Variants in DFFB observed in about 807,000 individuals in gnomAD.
The protein encoded by DFFB is DNA fragmentation factor 40 kDa subunit.
Under a neutral mutation model 32.7 loss-of-function variants are expected in DFFB, and 29 were observed. The ratio of observed to expected loss-of-function variants is 0.89; its 90% CI spans 0.66 to 1.21. DFFB has a LOEUF of 1.21. DFFB is among the 50% of genes most tolerant of loss of function. The probability of loss-of-function intolerance (pLI) is 0.00; values close to 1 mark genes in which losing one functional copy is unlikely to be tolerated. For missense variants in DFFB, 398 were observed against 440.6 expected (o/e 0.90, Z 0.87); for synonymous variants, 170 against 177.1 (o/e 0.96, Z 0.32).
At chr1:3,877,947 CTT>C (rs1218344231) in intron 6 of DFFB, among the ~76,000 whole-genome samples, 2 of 152,112 alleles carry the variant, frequency 1.3e-5, no homozygotes, top group African/African-American at 4.8e-5. Context: ...GGGCTTATCT[CTT>C]GTTAGCCAAG....
chr1:3,881,617 C>T (rs922567780), intron 6 of DFFB, among the ~76,000 whole-genome samples: 89 of 152,334 alleles, frequency 5.8e-4, no homozygotes, highest in African/African-American at 2.0e-3. Flanking sequence ...TGGCTCATGC[C>T]TATAATCTCA....
At chr1:3,879,114 G>T (rs1033318429) in intron 6 of DFFB, among the ~76,000 whole-genome samples, 13 of 152,208 alleles carry the variant, frequency 8.5e-5, no homozygotes, top group African/African-American at 3.1e-4. Context: ...GGTAGTTTTA[G>T]ATTTTTCTCC....
At position 3,865,622 on chromosome 1, in the gene DFFB, G is replaced by A. The variant is rs765727236; in HGVS notation, c.242-190G>A. 2.3e-5 allele frequency: 19 copies of A among 814,710 alleles called. No individual in the cohort carries two copies. In the East Asian group the frequency reaches 2.8e-4, roughly 12 times the overall value. The allele number at this position is 814,710 out of a possible 1,614,324, so 50.5% of individuals were successfully genotyped here. A position where few individuals can be genotyped will look rare whatever the true frequency, so the allele number is the denominator to read the frequency against. On this transcript the variant is annotated intron_variant, in intron 2 of 6. Transcript: ENST00000378209. This position sits in a 1 kb window ranked among gnomAD's most constrained non-coding sequence, Gnocchi z 4.7. ...CCCCTCCCTCCTCTGTCCTCATGCCGCCCTTGTGCGTGGTCCCCAGCTGTT... is the reference window on the plus strand; with the variant it reads ...CCCCTCCCTCCTCTGTCCTCATGCCACCCTTGTGCGTGGTCCCCAGCTGTT...
chr1:3,857,709 C>T lies in DFFB; in HGVS notation c.106C>T (p.Arg36Cys). 1.3e-6 allele frequency: 2 copies of T among 1,538,716 alleles called. No homozygotes were observed. Among genetic ancestry groups the T allele is most frequent in the Non-Finnish European group, 1.8e-6 (2 of 1,141,262 alleles). Residue 36 changes from arginine (R) to cysteine (C), a missense_variant, in exon 1 of 7, where the codon CGC becomes TGC. Coordinates refer to ENST00000378209, the MANE Select transcript of DFFB (RefSeq NM_004402.4). ...CQEVLRKGCL[R>C]FQLPERGSRL... is the part of the protein sequence containing the mutation. ...GGAGGTGCTGCGCAAGGGCTGTCTC[C>T]GCTTCCAGGTGCCCGCTGGGCTAGG...
At position 3,885,125 on chromosome 1, in the gene DFFB, C is replaced by T. The variant is rs778731046; in HGVS notation, c.*1384C>T. Reference sequence around the variant, plus strand: ...AGCTGAACCCTGCTCCGTTGGTCAGCGTTACTATCATCTCGGATCATATGG... The same window carrying T: ...AGCTGAACCCTGCTCCGTTGGTCAGTGTTACTATCATCTCGGATCATATGG... On this transcript the variant is annotated 3_prime_UTR_variant, in exon 7 of 7. Transcript: ENST00000378209. 3.3e-5 allele frequency: 5 copies of T among 152,124 alleles called. No individual in the cohort carries two copies. The highest frequency in any genetic ancestry group is 1.3e-4 in the Admixed American group (2 of 15,264). 9.4% of individuals were successfully genotyped at this position (152,124 alleles called of 1,614,324 possible).
chr1:3,881,825 G>A (rs1645344287), intron 6 of DFFB, among the ~76,000 whole-genome samples: 2 of 151,710 alleles, frequency 1.3e-5, no homozygotes, highest in Admixed American at 6.6e-5. Context: ...AGCTGAGATC[G>A]TGCCACTGCA....
At chr1:3,870,632 A>T (rs34019348) in intron 5 of DFFB, among the ~76,000 whole-genome samples, 57,277 of 152,124 alleles carry the variant, frequency 0.38, 12,319 homozygotes, top group Non-Finnish European at 0.5. Flanking sequence ...AGTCCTGCAC[A>T]ATGGAAGGTG....
At chr1:3,875,326 CCAGACATAACCCAGG>C (rs1645201434) in intron 6 of DFFB, among the ~76,000 whole-genome samples, 1 of 152,192 alleles carries the variant, frequency 6.6e-6, no homozygotes, top group Admixed American at 6.5e-5. Flanking sequence ...CAGGCCCCAT[CCAGACATAACCCAGG>C]TGCCTGGGGA....
At chr1:3,867,890 T>C (rs76754622) in intron 3 of DFFB, 84 bp from the exon 4 acceptor site, 128,176 of 1,238,138 alleles carry the variant, frequency 0.1, 7,288 homozygotes, top group African/African-American at 0.15. Flanking sequence ...TCTGCCCTGC[T>C]TGGCACCTGG....
chr1:3,878,730 C>G (rs12080493), intron 6 of DFFB, among the ~76,000 whole-genome samples: 3,605 of 152,298 alleles, frequency 0.024, 150 homozygotes, highest in African/African-American at 0.082. Context: ...CTGCGGTATT[C>G]TTTAGTGTTC....
intron 6 of DFFB, among the ~76,000 whole-genome samples, chr1:3,880,221 G>A (rs1235440987): frequency 6.6e-6 from 1 of 152,208 alleles, no homozygotes; most frequent in African/African-American, 2.4e-5. Flanking sequence ...CTGGTTGGCA[G>A]TGTCGTCACA....
Position 3,857,565 on chromosome 1 carries a change from C to T in DFFB, c.-39C>T, listed in dbSNP as rs758010484. ...ATCTGAGCAGCTGGGCAGCAGGTGC[C>T]ACCGCCTGTGGGACCCAGAGGGCTT... is the stretch of plus-strand genomic sequence containing the variant. On this transcript the variant is annotated 5_prime_UTR_variant, in exon 1 of 7. Coordinates refer to ENST00000378209, the MANE Select transcript of DFFB (RefSeq NM_004402.4). The T allele has an allele frequency of 6.9e-7, 1 of 1,453,164 alleles. No homozygotes were observed. The highest frequency in any genetic ancestry group is 1.3e-5 in the South Asian group (1 of 74,486). 90.0% of individuals were successfully genotyped at this position (1,453,164 alleles called of 1,614,324 possible). A position where few individuals can be genotyped will look rare whatever the true frequency, so the allele number is the denominator to read the frequency against.
At chr1:3,860,189 A>G (rs1016590839) in intron 2 of DFFB, among the ~76,000 whole-genome samples, 1 of 152,144 alleles carries the variant, frequency 6.6e-6, no homozygotes, top group Non-Finnish European at 1.5e-5. Context: ...TGGCTTCCCA[A>G]AGTGCTGGGA....
Position 3,857,530 on chromosome 1 carries a change from G to T in DFFB, c.-74G>T. On this transcript the variant is annotated 5_prime_UTR_variant, in exon 1 of 7. Coordinates refer to ENST00000378209, the MANE Select transcript of DFFB (RefSeq NM_004402.4). Reference sequence around the variant, plus strand: ...CCAGGTGCAGACCCCTGCGGCCAGGGCGAGGACGGATCTGAGCAGCTGGGC... The same window carrying T: ...CCAGGTGCAGACCCCTGCGGCCAGGTCGAGGACGGATCTGAGCAGCTGGGC... 8.7e-7 allele frequency: 1 copy of T among 1,142,988 alleles called. No homozygotes were observed. The highest frequency in any genetic ancestry group is 3.0e-5 in the East Asian group (1 of 33,042). 70.8% of individuals were successfully genotyped at this position (1,142,988 alleles called of 1,614,324 possible). A position where few individuals can be genotyped will look rare whatever the true frequency, so the allele number is the denominator to read the frequency against.
At chr1:3,876,734 A>C (rs549345262) in intron 6 of DFFB, among the ~76,000 whole-genome samples, 1 of 152,380 alleles carries the variant, frequency 6.6e-6, no homozygotes, top group East Asian at 1.9e-4. Context: ...GTGGAGCCTA[A>C]ACATGGCCTG....
At chr1:3,872,647 A>T in intron 6 of DFFB, 75 bp downstream of exon 6, 1 of 433,520 alleles carries the variant, frequency 2.3e-6, no homozygotes, top group Non-Finnish European at 3.8e-6. Flanking sequence ...TGTCCCTGCC[A>T]TGGCCCTGTC....
chr1:3,866,358 C>T (rs2124737222), intron 3 of DFFB: 6 of 314,082 alleles, frequency 1.9e-5, no homozygotes, highest in South Asian at 1.2e-4. Flanking sequence ...CAGGTTAAAG[C>T]GATTCTCCTG....
intron 6 of DFFB, 100 bp downstream of exon 6, chr1:3,872,672 G>C (rs1645144413): frequency 1.8e-6 from 2 of 1,089,434 alleles, no homozygotes; most frequent in Non-Finnish European, 2.8e-6. Context: ...CCACGGCCCT[G>C]TCCCTGCCAC....
intron 6 of DFFB, among the ~76,000 whole-genome samples, chr1:3,881,738 C>T (rs1336698527): frequency 6.6e-5 from 10 of 152,108 alleles, no homozygotes; most frequent in Non-Finnish European, 1.2e-4. Flanking sequence ...GGTGTGGTGG[C>T]GCACGCCTGT....
Sources: allele counts gnomAD v4.1 joint callset (sites outside exome capture counted in the v4.1 genomes callset), GRCh38; gene constraint gnomAD v4.1.1; non-coding constraint Gnocchi (gnomAD v3.1); transcripts MANE v1.5; gene names NCBI Gene and HGNC (gene_info 2026-07-23, HGNC 2026-07-21).